Variants in SNTG1 observed in about 807,000 individuals in gnomAD.
SNTG1 encodes gamma-1-syntrophin.
SNTG1 carries 39 observed loss-of-function variants against 74.7 expected under a neutral mutation model. The ratio of observed to expected loss-of-function variants is 0.52; its 90% confidence interval spans 0.40 to 0.68. The LOEUF (loss-of-function observed/expected upper bound fraction) is 0.68, where lower values mean the gene tolerates loss of function less well. Among genes scored for constraint, SNTG1 ranks in the 30% least tolerant of loss-of-function variants. The pLI is 0.00. For synonymous variants in SNTG1, 254 were observed against 217.1 expected (o/e 1.17, Z -1.49); for missense variants, 685 against 609.5 (o/e 1.12, Z -1.30).
At chr8:50,084,302 A>C (rs1282546061) in intron 1 of SNTG1, among the ~76,000 whole-genome samples, 1 of 152,090 alleles carries the variant, frequency 6.6e-6, no homozygotes, top group Non-Finnish European at 1.5e-5. Flanking sequence ...TCTAAAAAAA[A>C]ACACAAAGAT....
chr8:49,996,357 A>G (rs1814216841), intron 1 of SNTG1, among the ~76,000 whole-genome samples: 1 of 151,962 alleles, frequency 6.6e-6, no homozygotes, highest in Admixed American at 6.6e-5. Flanking sequence ...AAATTAAAGA[A>G]GAAACAGTAA....
chr8:50,402,094 G>T, intron 3 of SNTG1, 116 bp from the exon 4 acceptor site: 1 of 1,068,784 alleles, frequency 9.4e-7, no homozygotes. Flanking sequence ...ATCAGAGTGT[G>T]TTTTCACCAC....
At chr8:50,307,464 A>G (rs532585104) in intron 2 of SNTG1, among the ~76,000 whole-genome samples, 1 of 152,070 alleles carries the variant, frequency 6.6e-6, no homozygotes, top group Non-Finnish European at 1.5e-5. Context: ...TTTCAAAAAA[A>G]TTTCCTCTCT....
chr8:50,111,672 T>C (rs2080597211), intron 1 of SNTG1, among the ~76,000 whole-genome samples: 1 of 151,990 alleles, frequency 6.6e-6, no homozygotes, highest in Non-Finnish European at 1.5e-5. Context: ...AGAGAGAAAA[T>C]GATTACTACA....
intron 18 of SNTG1, among the ~76,000 whole-genome samples, chr8:50,759,977 C>T (rs1417772763): frequency 6.6e-6 from 1 of 152,068 alleles, no homozygotes; most frequent in Non-Finnish European, 1.5e-5. Flanking sequence ...TATCCATGAG[C>T]ATGGAATGTT....
At chr8:49,968,106 C>T (rs983758838) in intron 1 of SNTG1, among the ~76,000 whole-genome samples, 1 of 152,066 alleles carries the variant, frequency 6.6e-6, no homozygotes, top group African/African-American at 2.4e-5. Flanking sequence ...ATACAATGGT[C>T]TTTTCACCAT....
intron 1 of SNTG1, among the ~76,000 whole-genome samples, chr8:50,090,218 A>C (rs2079668199): frequency 6.6e-6 from 1 of 152,136 alleles, no homozygotes; most frequent in African/African-American, 2.4e-5. Flanking sequence ...AGGCTGTTTC[A>C]CTTGCAAGTG....
intron 4 of SNTG1, among the ~76,000 whole-genome samples, chr8:50,416,937 T>C (rs2093021963): frequency 6.6e-6 from 1 of 152,158 alleles, no homozygotes; most frequent in South Asian, 2.1e-4. Flanking sequence ...TTCACTGTCT[T>C]TGCTTCAAAT....
intron 17 of SNTG1, among the ~76,000 whole-genome samples, chr8:50,726,587 C>G: frequency 6.6e-6 from 1 of 152,176 alleles, no homozygotes; most frequent in Admixed American, 6.5e-5. Flanking sequence ...CACTGGCTCA[C>G]GCCTGTAATC....
At chr8:50,165,869 T>A (rs374750029) in intron 1 of SNTG1, among the ~76,000 whole-genome samples, 15 of 151,896 alleles carry the variant, frequency 9.9e-5, no homozygotes, top group African/African-American at 3.6e-4. Context: ...GACTTCAAAC[T>A]ATACTACAAG....
chr8:50,765,318 A>T (rs1425828103), intron 18 of SNTG1, among the ~76,000 whole-genome samples: 1 of 152,032 alleles, frequency 6.6e-6, no homozygotes, highest in Non-Finnish European at 1.5e-5. Context: ...CTCTCAGGTC[A>T]CGTGGCTAGA....
At position 50,412,067 on chromosome 8, in the gene SNTG1, G is replaced by A. The variant is rs556530303; in HGVS notation, c.162+9723G>A. Among the ~76,000 whole-genome samples the A allele has an allele frequency of 2.6e-5, 4 of 152,256 alleles. No homozygotes were observed. The South Asian group carries it at 8.3e-4, about 32-fold the overall frequency. On this transcript the variant is annotated intron_variant, in intron 4 of 18. Coordinates refer to ENST00000642720, the MANE Select transcript of SNTG1 (RefSeq NM_018967.5). Reference sequence around the variant, plus strand: ...GATAATATTTACCACAAGAACAATGGCACCCACAGAAGGATACCTTATTAA... The same window carrying A: ...GATAATATTTACCACAAGAACAATGACACCCACAGAAGGATACCTTATTAA...
At chr8:50,728,663 T>C (rs2095505740) in intron 17 of SNTG1, among the ~76,000 whole-genome samples, 1 of 152,184 alleles carries the variant, frequency 6.6e-6, no homozygotes, top group Non-Finnish European at 1.5e-5. Flanking sequence ...AGGAGTCAGG[T>C]TGGGCTCATG....
chr8:50,283,421 A>C (rs1306316357), intron 2 of SNTG1, among the ~76,000 whole-genome samples: 2 of 152,236 alleles, frequency 1.3e-5, no homozygotes, highest in South Asian at 2.1e-4. Flanking sequence ...GATTGTCTGC[A>C]GATGGCAAAA....
At chr8:50,738,439 C>T (rs1363089351) in intron 17 of SNTG1, among the ~76,000 whole-genome samples, 1 of 152,098 alleles carries the variant, frequency 6.6e-6, no homozygotes, top group Non-Finnish European at 1.5e-5. Flanking sequence ...AACATCCATG[C>T]TCATGAATAG....
chr8:50,152,421 T>C (rs1469539412), intron 1 of SNTG1, among the ~76,000 whole-genome samples: 1 of 152,202 alleles, frequency 6.6e-6, no homozygotes, highest in African/African-American at 2.4e-5. Flanking sequence ...AAGGTTAATA[T>C]TGTTATGTGT....
intron 1 of SNTG1, among the ~76,000 whole-genome samples, chr8:50,004,674 A>C (rs1338392607): frequency 6.6e-6 from 1 of 152,200 alleles, no homozygotes; most frequent in Non-Finnish European, 1.5e-5. Flanking sequence ...ACGTGAACCA[A>C]TGTGGTCCAA....
At chr8:50,566,766 T>C (rs2094518690) in intron 12 of SNTG1, among the ~76,000 whole-genome samples, 1 of 151,872 alleles carries the variant, frequency 6.6e-6, no homozygotes, top group Admixed American at 6.6e-5. Flanking sequence ...AATGCATGAG[T>C]TTGATGTTAT....
At chr8:50,381,239 T>G (rs1285540306) in intron 2 of SNTG1, among the ~76,000 whole-genome samples, 1 of 152,098 alleles carries the variant, frequency 6.6e-6, no homozygotes, top group African/African-American at 2.4e-5. Context: ...CTAGAAAAAC[T>G]TATGCTAGAT....
Sources: gnomAD v4.1 joint callset for allele counts (sites outside exome capture counted in the v4.1 genomes callset) on GRCh38, gnomAD v4.1.1 for gene constraint, MANE v1.5 for transcripts, NCBI Gene and HGNC (gene_info 2026-07-23, HGNC 2026-07-21) for gene names.